USP46: variants seen among roughly 807,000 people sequenced by gnomAD.
The protein encoded by USP46 is ubiquitin specific peptidase 46.
USP46 carries 12 observed loss-of-function variants against 44.4 expected under a neutral mutation model. The observed-to-expected ratio is 0.27, with a 90% confidence interval of 0.17 to 0.44. USP46 has a LOEUF of 0.44. USP46 is among the 20% of genes least tolerant of loss of function. The probability of loss-of-function intolerance (pLI) is 1.00; values close to 1 mark genes in which losing one functional copy is unlikely to be tolerated. For synonymous variants in USP46, 155 were observed against 161.5 expected (o/e 0.96, Z 0.31); for missense variants, 248 against 444.8 (o/e 0.56, Z 3.98).
At chr4:52,651,223 G>A (rs919962675) in intron 1 of USP46, 2 of 151,600 alleles carry the variant, frequency 1.3e-5, no homozygotes, top group African/African-American at 4.9e-5. Context: ...TATTTTTTAA[G>A]AGGCTGAGGT....
intron 4 of USP46, among the ~76,000 whole-genome samples, chr4:52,624,209 T>A (rs1275655277): frequency 6.6e-6 from 1 of 152,186 alleles, no homozygotes; most frequent in Non-Finnish European, 1.5e-5. Context: ...TACTTTTGTA[T>A]TCATTTGAAT....
chr4:52,618,688 C>T lies in USP46; in HGVS notation c.561+7330G>A, dbSNP rs575335875. Among the ~76,000 whole-genome samples, 10 of 152,296 alleles carry T rather than the reference C, an allele frequency of 6.6e-5. No homozygotes were observed. In the East Asian group the frequency reaches 1.9e-3, roughly 29 times the overall value. The stretch of plus-strand genomic sequence containing the variant: ...TGTTCAATCATGAGCCGAAAATGTG[C>T]TGGCTTTAAAAGGTACCCAATGGTG... On this transcript the variant is annotated intron_variant, in intron 4 of 8. Transcript: ENST00000441222.
chr4:52,649,060 ACCACAGCAC>A (rs1392282469), intron 1 of USP46, among the ~76,000 whole-genome samples: 7 of 152,100 alleles, frequency 4.6e-5, no homozygotes, highest in African/African-American at 1.7e-4. Flanking sequence ...CCCCCTCACC[ACCACAGCAC>A]CCAGTCAGAA....
chr4:52,622,438 A>G (rs1717414025), intron 4 of USP46, among the ~76,000 whole-genome samples: 1 of 152,238 alleles, frequency 6.6e-6, no homozygotes, highest in African/African-American at 2.4e-5. Flanking sequence ...CATGAAATAA[A>G]TCAAAATCTT....
intron 7 of USP46, among the ~76,000 whole-genome samples, chr4:52,599,969 T>C (rs1292642628): frequency 1.3e-5 from 2 of 152,176 alleles, no homozygotes; most frequent in Admixed American, 6.5e-5. Flanking sequence ...TGCTCAAATG[T>C]CACCTCCCCA....
intron 4 of USP46, among the ~76,000 whole-genome samples, chr4:52,620,577 AAAG>A (rs1717340238): frequency 6.6e-6 from 1 of 152,218 alleles, no homozygotes; most frequent in South Asian, 2.1e-4. Flanking sequence ...TTACTGAATA[AAAG>A]AATACTGTAC....
chr4:52,610,395 C>T (rs1008068811), intron 5 of USP46, 146 bp downstream of exon 5: 5 of 697,502 alleles, frequency 7.2e-6, no homozygotes, highest in Admixed American at 2.9e-5. Context: ...ACCACATAAT[C>T]GCTCTTGGGA....
intron 1 of USP46, among the ~76,000 whole-genome samples, chr4:52,654,859 G>C (rs1284160288): frequency 6.6e-6 from 1 of 152,216 alleles, no homozygotes. Context: ...AAGAGGTGCA[G>C]ATTTTCATAA....
At chr4:52,636,705 CAAAAAA>C (rs1182691689) in intron 1 of USP46, among the ~76,000 whole-genome samples, 2 of 36,148 alleles carry the variant, frequency 5.5e-5, no homozygotes, top group African/African-American at 2.1e-4. Context: ...GACTCTGTCT[CAAAAAA>C]AAAAAAAAAA....
At chr4:52,627,356 A>G (rs1482947864) in intron 3 of USP46, among the ~76,000 whole-genome samples, 1 of 152,242 alleles carries the variant, frequency 6.6e-6, no homozygotes, top group Admixed American at 6.5e-5. Context: ...TATAGTCATA[A>G]AAACTGCCAA....
intron 5 of USP46, among the ~76,000 whole-genome samples, chr4:52,605,913 G>C (rs1716669973): frequency 6.6e-6 from 1 of 152,160 alleles, no homozygotes; most frequent in Admixed American, 6.5e-5. Flanking sequence ...GGCTTCCATG[G>C]CTGGCTAACC....
rs1409992460 is a variant in USP46 at position 52,593,545 on chromosome 4, G to C, written c.*4095C>G. The stretch of plus-strand genomic sequence containing the variant: ...CACAGGTGCCCTGGGTGATTGACAG[G>C]GAAAAGCAGCCCTACCCATAGTTAC... On this transcript the variant is annotated 3_prime_UTR_variant, in exon 9 of 9. Transcript: ENST00000441222. 2 of 152,264 alleles carry C rather than the reference G, an allele frequency of 1.3e-5. No individual in the cohort carries two copies. The highest frequency in any genetic ancestry group is 4.8e-5 in the African/African-American group (2 of 41,462). 9.4% of individuals were successfully genotyped at this position (152,264 alleles called of 1,614,324 possible).
intron 4 of USP46, among the ~76,000 whole-genome samples, chr4:52,620,401 GTTC>G (rs1023066962): frequency 4.6e-5 from 7 of 152,098 alleles, no homozygotes; most frequent in South Asian, 2.1e-4. Flanking sequence ...GAAGTAATCT[GTTC>G]TTCTTCTTCA....
rs1231597862 is a variant in USP46 at position 52,635,877 on chromosome 4, G to A, written c.37-4733C>T. On this transcript the variant is annotated intron_variant, in intron 1 of 8. Coordinates refer to ENST00000441222, the MANE Select transcript of USP46 (RefSeq NM_022832.4). ...GTTTCAAACAAGCTGGTGGTGAGGT[G>A]GGGAGAAGTGGGGGTGGAGGATAAA... is the stretch of plus-strand genomic sequence containing the variant. 1.3e-5 allele frequency among the ~76,000 whole-genome samples: 2 copies of A among 152,188 alleles called. 1 individual carries two copies. The highest frequency in any genetic ancestry group is 3.9e-4 in the East Asian group (2 of 5,194).
intron 1 of USP46, among the ~76,000 whole-genome samples, chr4:52,646,440 C>T (rs1347880718): frequency 6.6e-6 from 1 of 152,168 alleles, no homozygotes; most frequent in Admixed American, 6.5e-5. Flanking sequence ...GGAGAAAAAA[C>T]ATGAGTAAGT....
At chr4:52,639,233 TTC>T in intron 1 of USP46, among the ~76,000 whole-genome samples, 1 of 152,366 alleles carries the variant, frequency 6.6e-6, no homozygotes, top group African/African-American at 2.4e-5. Flanking sequence ...ACTTTTTTTA[TTC>T]TACTATATTT....
At chr4:52,656,156 T>G (rs1183871184) in intron 1 of USP46, 7 of 761,722 alleles carry the variant, frequency 9.2e-6, no homozygotes, top group Non-Finnish European at 1.5e-5. Flanking sequence ...TTAAACGATG[T>G]GCTTAAGAAA....
chr4:52,619,745 T>G (rs756231065), intron 4 of USP46, among the ~76,000 whole-genome samples: 10 of 152,174 alleles, frequency 6.6e-5, no homozygotes, highest in Non-Finnish European at 1.5e-4. Flanking sequence ...TCCCTGCCTC[T>G]GGACGGGGTC....
rs767523010 is a variant in USP46 at position 52,601,933 on chromosome 4, G to T, written c.844C>A (p.Leu282Ile). The change falls in exon 7 of 9, where the codon CTC becomes ATC. Residue 282 changes from leucine (L) to isoleucine (I), a missense_variant. By Grantham distance (5) the Leu-to-Ile change is conservative. Coordinates refer to ENST00000441222, the MANE Select transcript of USP46 (RefSeq NM_022832.4). ...ACTGCATCACTGGAGGTGTTGAAGA[G>T]CCGGAGTTCCAGAGGGAAGACCACA... ...YRVVFPLELR[L>I]FNTSSDAVNL... 1.9e-6 allele frequency: 3 copies of T among 1,613,996 alleles called. No individual in the cohort carries two copies. Among genetic ancestry groups the T allele is most frequent in the Non-Finnish European group, 2.5e-6 (3 of 1,179,900 alleles).
Sources: gnomAD v4.1 joint callset for allele counts (sites outside exome capture counted in the v4.1 genomes callset) on GRCh38, gnomAD v4.1.1 for gene constraint, MANE v1.5 for transcripts, NCBI Gene and HGNC (gene_info 2026-07-23, HGNC 2026-07-21) for gene names.